Variants in DAB1 observed in about 807,000 individuals in gnomAD.
The protein encoded by DAB1 is disabled homolog 1.
DAB1 carries 15 observed loss-of-function variants against 64.6 expected under a neutral mutation model. The observed-to-expected ratio is 0.23, with a 90% CI of 0.16 to 0.36. The LOEUF (loss-of-function observed/expected upper bound fraction) is 0.36. DAB1 is among the 10% of genes least tolerant of loss of function. The pLI is 1.00. For synonymous variants in DAB1, 235 were observed against 251.9 expected (o/e 0.93, Z 0.64); for missense variants, 596 against 706.7 (o/e 0.84, Z 1.78).
intron 7 of DAB1, among the ~76,000 whole-genome samples, chr1:57,467,570 G>A (rs1686992354): frequency 6.6e-6 from 1 of 152,116 alleles, no homozygotes; most frequent in Non-Finnish European, 1.5e-5. Context: ...CACTATTCAA[G>A]CTTCCCACTT....
At chr1:57,129,019 G>C (rs1657408648) in intron 4 of DAB1, among the ~76,000 whole-genome samples, 1 of 152,198 alleles carries the variant, frequency 6.6e-6, no homozygotes. Context: ...TCTAATGGGA[G>C]GAGTGGCTTC....
chr1:58,469,960 C>A (rs1370973221), intron 3 of DAB1, among the ~76,000 whole-genome samples: 1 of 151,832 alleles, frequency 6.6e-6, no homozygotes, highest in Admixed American at 6.6e-5. Flanking sequence ...GAAGGCTAGG[C>A]ATATAGTAGG....
At chr1:58,489,790 C>A (rs1156861745) in intron 3 of DAB1, among the ~76,000 whole-genome samples, 1 of 152,176 alleles carries the variant, frequency 6.6e-6, no homozygotes, top group Non-Finnish European at 1.5e-5. Flanking sequence ...TCACCAATAT[C>A]CGCTGTTCTG....
chr1:57,553,629 C>G (rs964915255), intron 7 of DAB1, among the ~76,000 whole-genome samples: 2 of 151,924 alleles, frequency 1.3e-5, no homozygotes, highest in Non-Finnish European at 2.9e-5. Context: ...TAAGATCACA[C>G]CACTGCACTC....
At chr1:57,422,345 G>T (rs892722480) in intron 1 of DAB1, among the ~76,000 whole-genome samples, 5 of 152,218 alleles carry the variant, frequency 3.3e-5, no homozygotes, top group African/African-American at 1.2e-4. Context: ...AGCTGCACTG[G>T]AGCATCCAGC....
At chr1:57,909,262 C>G (rs190484712) in intron 5 of DAB1, among the ~76,000 whole-genome samples, 2 of 152,236 alleles carry the variant, frequency 1.3e-5, no homozygotes, top group African/African-American at 4.8e-5. Flanking sequence ...CTTCATAAAG[C>G]GAGGAATCAT....
intron 5 of DAB1, among the ~76,000 whole-genome samples, chr1:57,959,179 TA>T (rs1343447842): frequency 6.6e-6 from 1 of 152,218 alleles, no homozygotes; most frequent in Non-Finnish European, 1.5e-5. Context: ...TTGTATTCCT[TA>T]ACCTTTCATT....
intron 4 of DAB1, among the ~76,000 whole-genome samples, chr1:58,325,420 G>T (rs894791219): frequency 6.6e-6 from 1 of 152,102 alleles, no homozygotes; most frequent in African/African-American, 2.4e-5. Flanking sequence ...TAAACCAGGG[G>T]TTCCTCATCT....
intron 3 of DAB1, among the ~76,000 whole-genome samples, chr1:58,360,935 C>T (rs1557739661): frequency 6.6e-6 from 1 of 152,138 alleles, no homozygotes; most frequent in Non-Finnish European, 1.5e-5. Context: ...TTGTAATCAG[C>T]TTTATTAAAA....
chr1:57,588,391 G>T (rs1645404844), intron 7 of DAB1, among the ~76,000 whole-genome samples: 1 of 152,178 alleles, frequency 6.6e-6, no homozygotes, highest in South Asian at 2.1e-4. Flanking sequence ...AATTAAAATG[G>T]AAGTGCTATC....
chr1:57,182,035 G>A (rs1168968112), intron 2 of DAB1, among the ~76,000 whole-genome samples: 4 of 152,132 alleles, frequency 2.6e-5, no homozygotes, highest in Non-Finnish European at 5.9e-5. Context: ...ACAGGTGCAT[G>A]CCACCACGCC....
chr1:57,049,854 A>G (rs1570593570), intron 9 of DAB1, among the ~76,000 whole-genome samples: 1 of 152,248 alleles, frequency 6.6e-6, no homozygotes, highest in East Asian at 1.9e-4. Flanking sequence ...CAGTAGTTGG[A>G]ATTTGAATAG....
chr1:58,245,563 T>TAGGG (rs995509681), intron 4 of DAB1, among the ~76,000 whole-genome samples: 28 of 152,090 alleles, frequency 1.8e-4, no homozygotes, highest in African/African-American at 6.0e-4. Context: ...GATCCACTAA[T>TAGGG]AGGGTAGAGT....
chr1:56,998,613 A>G (rs1000768591), intron 14 of DAB1, among the ~76,000 whole-genome samples: 6 of 152,260 alleles, frequency 3.9e-5, no homozygotes, highest in Non-Finnish European at 5.9e-5. Context: ...ACAGTTTCAT[A>G]AATGTCCACT....
intron 3 of DAB1, among the ~76,000 whole-genome samples, chr1:58,481,593 A>T (rs1645483460): frequency 6.6e-6 from 1 of 152,166 alleles, no homozygotes; most frequent in African/African-American, 2.4e-5. Context: ...AGATATACAT[A>T]ACTGATACAG....
intron 5 of DAB1, chr1:58,048,637 T>G: frequency 8.2e-7 from 1 of 1,213,266 alleles, no homozygotes; most frequent in Non-Finnish European, 1.2e-6. Context: ...TAAAGTTTCC[T>G]CCACAACCAA....
At chr1:57,921,734 C>A (rs1040154638) in intron 5 of DAB1, among the ~76,000 whole-genome samples, 1 of 152,072 alleles carries the variant, frequency 6.6e-6, no homozygotes, top group Admixed American at 6.6e-5. Context: ...AGCAGCCCAA[C>A]CAAACTTTTT....
chr1:57,031,016 A>G (rs745404013), intron 9 of DAB1, among the ~76,000 whole-genome samples: 16 of 152,248 alleles, frequency 1.1e-4, no homozygotes, highest in Non-Finnish European at 1.6e-4. Flanking sequence ...CTAACATCAT[A>G]AATATAATTT....
intron 10 of DAB1, 63 bp from the exon 11 acceptor site, chr1:57,023,702 G>C: frequency 9.4e-7 from 1 of 1,069,322 alleles, no homozygotes; most frequent in Non-Finnish European, 1.4e-6. Flanking sequence ...AAGGCTGGGA[G>C]GTAGCAGATG....
Sources: allele counts gnomAD v4.1 joint callset (sites outside exome capture counted in the v4.1 genomes callset), GRCh38; gene constraint gnomAD v4.1.1; transcripts MANE v1.5; gene names NCBI Gene and HGNC (gene_info 2026-07-23, HGNC 2026-07-21).